IP6K1: variants seen among roughly 807,000 people sequenced by gnomAD.
IP6K1 encodes ATP:1D-myo-inositol-hexakisphosphate phosphotransferase.
In IP6K1, 13 loss-of-function variants were observed where a neutral mutation model predicts 38.3. The observed-to-expected ratio is 0.34, with a 90% CI of 0.22 to 0.54. The LOEUF is 0.54. Ranked by LOEUF, IP6K1 falls within the 20% of genes least tolerant of loss-of-function variation. The pLI, the probability that IP6K1 is intolerant of heterozygous loss-of-function variation, is 0.92. For synonymous variants in IP6K1, 212 were observed against 229.9 expected, an observed-to-expected ratio of 0.92 and a Z score of 0.70; for missense variants, 397 against 599.8, an observed-to-expected ratio of 0.66 and a Z score of 3.53.
chr3:49,764,467 T>C (rs1405721282), intron 1 of IP6K1, among the ~76,000 whole-genome samples: 1 of 152,218 alleles, frequency 6.6e-6, no homozygotes, highest in Non-Finnish European at 1.5e-5. Context: ...CAGTCAACAG[T>C]AGGCTACTAA....
chr3:49,732,733 C>T, intron 4 of IP6K1, 58 bp downstream of exon 4: 1 of 1,436,740 alleles, frequency 7.0e-7, no homozygotes, highest in African/African-American at 1.4e-5. Flanking sequence ...AGAATGGTGC[C>T]CCAACACACG....
chr3:49,774,057 A>AT (rs2080984394), intron 1 of IP6K1, among the ~76,000 whole-genome samples: 1 of 151,580 alleles, frequency 6.6e-6, no homozygotes, highest in Admixed American at 6.6e-5. Flanking sequence ...CACCAAACCA[A>AT]TTTTTTGTCC....
chr3:49,783,908 G>C (rs542601346), intron 1 of IP6K1, among the ~76,000 whole-genome samples: 3 of 152,120 alleles, frequency 2.0e-5, no homozygotes, highest in African/African-American at 7.2e-5. Context: ...AAACTCAGTC[G>C]AACAGCAACA....
chr3:49,749,044 AAT>A (rs2080748486), intron 1 of IP6K1: 1 of 152,176 alleles, frequency 6.6e-6, no homozygotes, highest in South Asian at 2.1e-4. Flanking sequence ...ATGAGAATCT[AAT>A]GCCACCGCTG....
At chr3:49,771,605 G>A (rs947846930) in intron 1 of IP6K1, among the ~76,000 whole-genome samples, 1 of 152,180 alleles carries the variant, frequency 6.6e-6, no homozygotes, top group Non-Finnish European at 1.5e-5. Flanking sequence ...ACTGGTGAGA[G>A]TGTAAAAATG....
At chr3:49,784,985 A>G (rs565664136) in intron 1 of IP6K1, among the ~76,000 whole-genome samples, 1 of 152,238 alleles carries the variant, frequency 6.6e-6, no homozygotes, top group Admixed American at 6.5e-5. Flanking sequence ...AAGTGCACAA[A>G]GTATTGTCGC....
At chr3:49,762,972 A>G (rs1224935911) in intron 1 of IP6K1, among the ~76,000 whole-genome samples, 1 of 151,784 alleles carries the variant, frequency 6.6e-6, no homozygotes, top group Non-Finnish European at 1.5e-5. Flanking sequence ...GGGTTTCACC[A>G]CGTTGGCCAG....
chr3:49,764,392 A>C, intron 1 of IP6K1, among the ~76,000 whole-genome samples: 1 of 152,288 alleles, frequency 6.6e-6, no homozygotes, highest in Non-Finnish European at 1.5e-5. Context: ...TAAAACGAGA[A>C]AAATTTTAAA....
At chr3:49,753,573 A>G (rs2080796925) in intron 1 of IP6K1, among the ~76,000 whole-genome samples, 1 of 152,218 alleles carries the variant, frequency 6.6e-6, no homozygotes, top group South Asian at 2.1e-4. Context: ...AGTACCTGGC[A>G]TATAGTAACT....
intron 1 of IP6K1, among the ~76,000 whole-genome samples, chr3:49,767,400 G>GA (rs1443214771): frequency 2.6e-5 from 4 of 152,048 alleles, no homozygotes; most frequent in Non-Finnish European, 4.4e-5. Flanking sequence ...CTAACATGGT[G>GA]AAACCCCATC....
intron 1 of IP6K1, among the ~76,000 whole-genome samples, chr3:49,760,599 G>C (rs992130062): frequency 2.0e-5 from 3 of 146,878 alleles, no homozygotes; most frequent in Admixed American, 1.4e-4. Context: ...ACTCCAGCCT[G>C]GGCAACAGAG....
chr3:49,763,961 G>A (rs2080887632), intron 1 of IP6K1, among the ~76,000 whole-genome samples: 1 of 152,204 alleles, frequency 6.6e-6, no homozygotes, highest in Admixed American at 6.5e-5. Flanking sequence ...GGCAAAGGTT[G>A]CAGTGAGTCA....
intron 1 of IP6K1, among the ~76,000 whole-genome samples, chr3:49,774,824 C>G (rs1362174133): frequency 9.9e-5 from 15 of 151,782 alleles, no homozygotes; most frequent in Admixed American, 9.2e-4. Context: ...TACTGAGTCA[C>G]TGCACCTAGA....
Position 49,727,452 on chromosome 3 carries a change from G to A in IP6K1, c.996C>T (p.Ser332=), listed in dbSNP as rs951795932. 3 of 1,614,000 alleles carry A rather than the reference G, an allele frequency of 1.9e-6. No individual in the cohort carries two copies. Among genetic ancestry groups the A allele is most frequent in the Admixed American group, 1.7e-5 (1 of 59,990 alleles). The part of the protein sequence containing the change: ...LERQASYRFY[S]SSLLVIYDGK... ...CATCATAGATGACAAGCAGGGAACT[G>A]GAGTAGAAGCGGTAAGAGGCCTGCC... The change falls in exon 6 of 6, where the codon TCC becomes TCT. Residue 332 remains serine (S), a synonymous_variant. Coordinates refer to ENST00000321599, the MANE Select transcript of IP6K1 (RefSeq NM_153273.4). The surrounding 1 kb of genome is among the most constrained non-coding windows in gnomAD (Gnocchi z 5.9).
chr3:49,727,501 C>T lies in IP6K1; in HGVS notation c.947G>A (p.Arg316Gln), dbSNP rs754719657. The change falls in exon 6 of 6, where the codon CGG (arginine) becomes CAG (glutamine). Residue 316 changes from arginine to glutamine, a missense_variant. Physicochemically the swap from Arg to Gln is conservative, Grantham distance 43. Transcript: ENST00000321599. The surrounding 1 kb of genome is among the most constrained non-coding windows in gnomAD (Gnocchi z 5.9). ...CCGCTCCAGCACAGCTTTCAGGCCCCGCAGTTTGCTCAGGATAGGCTCAAA... is the reference window on the plus strand; with the variant it reads ...CCGCTCCAGCACAGCTTTCAGGCCCTGCAGTTTGCTCAGGATAGGCTCAAA... ...DLFEPILSKL[R>Q]GLKAVLERQA... The T allele has an allele frequency of 1.2e-5, 19 of 1,614,050 alleles. No individual in the cohort carries two copies. Among genetic ancestry groups the T allele is most frequent in the Middle Eastern group, 1.6e-4 (1 of 6,084 alleles).
chr3:49,743,944 G>A (rs1022796796), intron 2 of IP6K1, among the ~76,000 whole-genome samples: 1 of 151,974 alleles, frequency 6.6e-6, no homozygotes, highest in African/African-American at 2.4e-5. Flanking sequence ...AGGCTGCAGT[G>A]AGGTATGATT....
intron 1 of IP6K1, among the ~76,000 whole-genome samples, chr3:49,763,280 AT>A (rs67744948): frequency 0.47 from 70,211 of 148,310 alleles, 17,171 homozygotes; most frequent in African/African-American, 0.56. Flanking sequence ...TTTTTTTTGT[AT>A]TTTTTAGTAG....
intron 1 of IP6K1, among the ~76,000 whole-genome samples, chr3:49,763,920 G>A (rs2080887343): frequency 6.6e-6 from 1 of 152,116 alleles, no homozygotes; most frequent in South Asian, 2.1e-4. Context: ...TACTCGGGAG[G>A]CTGAGGCAGG....
intron 2 of IP6K1, among the ~76,000 whole-genome samples, chr3:49,742,343 A>T (rs923016395): frequency 2.0e-5 from 3 of 152,034 alleles, no homozygotes; most frequent in Non-Finnish European, 4.4e-5. Flanking sequence ...AGGTCAGGAG[A>T]TTGAGACCAT....
Sources: allele counts gnomAD v4.1 joint callset (sites outside exome capture counted in the v4.1 genomes callset), GRCh38; gene constraint gnomAD v4.1.1; non-coding constraint Gnocchi (gnomAD v3.1); transcripts MANE v1.5; gene names NCBI Gene and HGNC (gene_info 2026-07-23, HGNC 2026-07-21).